Variants in OCM observed in about 807,000 individuals in gnomAD.
The protein encoded by OCM is oncomodulin.
In OCM, 18 loss-of-function variants were observed where a neutral mutation model predicts 14.1. The ratio of observed to expected loss-of-function variants is 1.28; its 90% CI spans 0.88 to 1.89. OCM has a LOEUF of 1.89. Among genes scored for constraint, OCM ranks in the 40% most tolerant of loss-of-function variants. OCM has a pLI of 0.00. For missense variants in OCM, 140 were observed against 137.6 expected, an observed-to-expected ratio of 1.02 and a Z score of -0.09; for synonymous variants, 48 against 51.0, an observed-to-expected ratio of 0.94 and a Z score of 0.25.
chr7:5,875,305 C>T (rs941073514), upstream of OCM, among the ~76,000 whole-genome samples: 3 of 152,028 alleles, frequency 2.0e-5, no homozygotes, highest in Admixed American at 2.0e-4. Context: ...GATCTGCCCA[C>T]CTCAGCCTGC....
intron 1 of OCM, among the ~76,000 whole-genome samples, chr7:5,882,120 G>T (rs10250370): frequency 0.62 from 56,654 of 91,646 alleles, 17,970 homozygotes; most frequent in Middle Eastern, 0.76. Flanking sequence ...AAAAAAAAAA[G>T]CGCCAAAGGC....
the OCM span, among the ~76,000 whole-genome samples, chr7:5,863,250 C>T: frequency 1.3e-5 from 2 of 152,114 alleles, no homozygotes; most frequent in African/African-American, 4.8e-5. Context: ...AGTTCCCAAA[C>T]CCTCTTTGGA....
upstream of OCM, among the ~76,000 whole-genome samples, chr7:5,880,200 A>T (rs180800049): frequency 1.1e-3 from 170 of 152,306 alleles, no homozygotes; most frequent in African/African-American, 3.9e-3. Context: ...AATTTGCAAC[A>T]TTGCATCTCT....
the OCM span, among the ~76,000 whole-genome samples, chr7:5,861,013 G>T: frequency 6.6e-6 from 1 of 152,074 alleles, no homozygotes; most frequent in African/African-American, 2.4e-5. Context: ...CTCAAATGGG[G>T]TAGCCTGGAG....
In OCM at chr7:5,886,344, T is replaced by C. The variant is rs1363376962; in HGVS notation, c.*255T>C. 1 of 504,610 alleles carries C rather than the reference T, an allele frequency of 2.0e-6. No individual in the cohort carries two copies. The highest frequency in any genetic ancestry group is 3.6e-6 in the Non-Finnish European group (1 of 278,058). The allele number at this position is 504,610 out of a possible 1,614,324, so 31.3% of individuals were successfully genotyped here. The stretch of plus-strand genomic sequence containing the variant: ...GGCAATGCCTCTAAAAATCACCCAA[T>C]AAAGACAGGCTTCTCATCATCTGCT... On this transcript the variant is annotated 3_prime_UTR_variant, in exon 4 of 4. Transcript: ENST00000242104.
At chr7:5,873,230 G>A in the OCM span, among the ~76,000 whole-genome samples, 1 of 151,862 alleles carries the variant, frequency 6.6e-6, no homozygotes, top group Admixed American at 6.6e-5. Flanking sequence ...CAAAAAATTC[G>A]CAGGGTATGG....
chr7:5,870,621 A>G, the OCM span, among the ~76,000 whole-genome samples: 17 of 152,174 alleles, frequency 1.1e-4, no homozygotes, highest in African/African-American at 3.1e-4. Flanking sequence ...AATCTCTGAA[A>G]TGTAGTTTAT....
At chr7:5,875,423 G>T (rs1361841590), upstream of OCM, among the ~76,000 whole-genome samples, 1 of 151,972 alleles carries the variant, frequency 6.6e-6, no homozygotes, top group Non-Finnish European at 1.5e-5. Flanking sequence ...GCGCCTCATT[G>T]ATTCAGAAAA....
upstream of OCM, chr7:5,880,664 C>T: frequency 2.1e-6 from 1 of 473,998 alleles, no homozygotes; most frequent in East Asian, 3.5e-5. Flanking sequence ...AAGGCTTAGG[C>T]AGGAGAATCA....
At chr7:5,882,383 G>C in intron 1 of OCM, 110 bp from the exon 2 acceptor site, 1 of 1,291,556 alleles carries the variant, frequency 7.7e-7, no homozygotes, top group South Asian at 1.3e-5. Context: ...CATCCCCGTA[G>C]CTCAGGGATA....
At chr7:5,876,639 C>T (rs1326606076), upstream of OCM, among the ~76,000 whole-genome samples, 1 of 152,116 alleles carries the variant, frequency 6.6e-6, no homozygotes, top group Non-Finnish European at 1.5e-5. Context: ...GAGGTTTGGT[C>T]ATTTAAGAGA....
At chr7:5,876,390 A>G (rs538931390), upstream of OCM, among the ~76,000 whole-genome samples, 44 of 152,210 alleles carry the variant, frequency 2.9e-4, no homozygotes, top group African/African-American at 1.0e-3. Context: ...GGCTCAAGCA[A>G]TCCTCCCACC....
chr7:5,873,355 C>T, the OCM span, among the ~76,000 whole-genome samples: 2 of 151,878 alleles, frequency 1.3e-5, no homozygotes, highest in Non-Finnish European at 2.9e-5. Context: ...CCAGACTGGG[C>T]AACAAGAGCA....
At chr7:5,884,216 C>A (rs574219723) in intron 3 of OCM, among the ~76,000 whole-genome samples, 2 of 152,150 alleles carry the variant, frequency 1.3e-5, no homozygotes, top group African/African-American at 4.8e-5. Context: ...AGAAGCTGGT[C>A]ACACTGGTCA....
the OCM span, among the ~76,000 whole-genome samples, chr7:5,870,794 A>C: frequency 6.6e-6 from 1 of 152,182 alleles, no homozygotes; most frequent in Non-Finnish European, 1.5e-5. Flanking sequence ...GCCAATGTTT[A>C]ATCTGGGCAC....
chr7:5,867,721 A>G, the OCM span, among the ~76,000 whole-genome samples: 1 of 147,760 alleles, frequency 6.8e-6, no homozygotes, highest in Non-Finnish European at 1.5e-5. Flanking sequence ...TATCTTTTCT[A>G]TTGTGATGTG....
At position 5,883,960 on chromosome 7, in the gene OCM, G is replaced by A. The variant is rs1413308453; in HGVS notation, c.265G>A (p.Ala89Thr). ...GTCAGAAACCAAGTCCTTGATGGCT[G>A]CGGCGGATAATGATGGAGATGGGAA... ...TESETKSLMA[A>T]ADNDGDGKIG... Residue 89 changes from alanine (A) to threonine (T), a missense_variant, in exon 3 of 4, where the codon GCG becomes ACG. Ala to Thr is a moderately conservative substitution (Grantham distance 58). Coordinates refer to ENST00000242104, the MANE Select transcript of OCM (RefSeq NM_001097622.2). 6.2e-7 allele frequency: 1 copy of A among 1,613,508 alleles called. No homozygotes were observed. Among genetic ancestry groups the A allele is most frequent in the Non-Finnish European group, 8.5e-7 (1 of 1,179,692 alleles).
intron 3 of OCM, among the ~76,000 whole-genome samples, chr7:5,885,645 C>A (rs1258316310): frequency 7.0e-6 from 1 of 143,472 alleles, no homozygotes; most frequent in African/African-American, 2.6e-5. Context: ...GAGTCTGGCT[C>A]TCTCGCCCAG....
intron 3 of OCM, among the ~76,000 whole-genome samples, chr7:5,884,642 C>G (rs1229278535): frequency 1.3e-5 from 2 of 151,710 alleles, no homozygotes; most frequent in African/African-American, 4.8e-5. Context: ...TGCCTGCCAA[C>G]TCAGCAGAAC....
Sources: allele counts gnomAD v4.1 joint callset (sites outside exome capture counted in the v4.1 genomes callset), GRCh38; gene constraint gnomAD v4.1.1; transcripts MANE v1.5; gene names NCBI Gene and HGNC (gene_info 2026-07-23, HGNC 2026-07-21).